COG5: variants seen among roughly 807,000 people sequenced by gnomAD.
The protein encoded by COG5 is conserved oligomeric Golgi complex subunit 5.
COG5 carries 86 observed loss-of-function variants against 110.4 expected under a neutral mutation model. The observed-to-expected ratio is 0.78, with a 90% CI of 0.65 to 0.93. The LOEUF is 0.93. Ranked by LOEUF, COG5 falls within the 40% of genes least tolerant of loss-of-function variation. The probability of loss-of-function intolerance (pLI) is 0.00; values close to 1 mark genes in which losing one functional copy is unlikely to be tolerated. For synonymous variants in COG5, 360 were observed against 334.6 expected, an observed-to-expected ratio of 1.08 and a Z score of -0.83; for missense variants, 1,077 against 987.0, an observed-to-expected ratio of 1.09 and a Z score of -1.22.
At chr7:107,371,345 T>G (rs569950593) in intron 8 of COG5, among the ~76,000 whole-genome samples, 1 of 152,172 alleles carries the variant, frequency 6.6e-6, no homozygotes, top group African/African-American at 2.4e-5. Context: ...ATCCCAACAC[T>G]TTGGGAGGCC....
intron 6 of COG5, chr7:107,475,073 G>A: frequency 6.2e-7 from 1 of 1,613,008 alleles, no homozygotes; most frequent in East Asian, 2.2e-5. Context: ...ACCATTTTAT[G>A]TTTAGGCCCA....
intron 13 of COG5, 53 bp downstream of exon 13, chr7:107,283,518 C>T: frequency 1.4e-6 from 2 of 1,469,122 alleles, no homozygotes; most frequent in South Asian, 1.1e-5. Flanking sequence ...TCATATATCA[C>T]TAACAAATAT....
At chr7:107,262,258 G>A (rs1274294587) in intron 14 of COG5, among the ~76,000 whole-genome samples, 1 of 152,042 alleles carries the variant, frequency 6.6e-6, no homozygotes, top group African/African-American at 2.4e-5. Flanking sequence ...ACCTTCTCAT[G>A]CTATCTCACA....
rs369589269 is a variant in COG5, at chr7:107,392,926, TA to T, written c.669+19575del. ...GCATACCACATGTATTCCTCAACTT[TA>T]AAGTCTCCATAAAAACTGTCCATGG... On this transcript the variant is annotated intron_variant, in intron 7 of 21. Coordinates refer to ENST00000297135, the MANE Select transcript of COG5 (RefSeq NM_006348.5). Among the ~76,000 whole-genome samples, 231 of 152,282 alleles carry T rather than the reference TA, an allele frequency of 1.5e-3. 1 individual carries two copies. Among genetic ancestry groups the T allele is most frequent in the African/African-American group, 5.3e-3 (221 of 41,560 alleles).
chr7:107,459,287 A>G (rs1795848943), intron 6 of COG5, among the ~76,000 whole-genome samples: 1 of 152,182 alleles, frequency 6.6e-6, no homozygotes, highest in Non-Finnish European at 1.5e-5. Context: ...ATATAGAATG[A>G]ACCTGGAATA....
intron 6 of COG5, among the ~76,000 whole-genome samples, chr7:107,467,000 G>C (rs1185865055): frequency 1.3e-5 from 2 of 152,144 alleles, no homozygotes; most frequent in African/African-American, 2.4e-5. Flanking sequence ...AGAATGATTT[G>C]ATATGAATAG....
chr7:107,428,671 T>G (rs527432727), intron 6 of COG5, among the ~76,000 whole-genome samples: 2 of 152,216 alleles, frequency 1.3e-5, no homozygotes, highest in African/African-American at 4.8e-5. Flanking sequence ...CCTAGGAAAC[T>G]AAAACATCTT....
At chr7:107,316,880 G>C (rs1808814238) in intron 11 of COG5, among the ~76,000 whole-genome samples, 1 of 151,800 alleles carries the variant, frequency 6.6e-6, no homozygotes, top group South Asian at 2.1e-4. Flanking sequence ...GTAAATGGCA[G>C]TATCACTAAA....
chr7:107,489,229 G>A (rs1412866833), intron 6 of COG5, among the ~76,000 whole-genome samples: 2 of 152,066 alleles, frequency 1.3e-5, no homozygotes, highest in East Asian at 1.9e-4. Flanking sequence ...GTAAACAGAA[G>A]CAAAATATAA....
intron 10 of COG5, among the ~76,000 whole-genome samples, chr7:107,335,437 C>T (rs1422545662): frequency 6.6e-6 from 1 of 152,054 alleles, no homozygotes; most frequent in East Asian, 1.9e-4. Flanking sequence ...TTGTAAGCCT[C>T]ATAATAATGA....
At chr7:107,468,801 T>C (rs377559909) in intron 6 of COG5, among the ~76,000 whole-genome samples, 3 of 152,028 alleles carry the variant, frequency 2.0e-5, no homozygotes, top group African/African-American at 7.2e-5. Flanking sequence ...CACTAAATAT[T>C]CCTAAAATAA....
chr7:107,439,203 A>T (rs1794556894), intron 6 of COG5, among the ~76,000 whole-genome samples: 1 of 152,056 alleles, frequency 6.6e-6, no homozygotes, highest in African/African-American at 2.4e-5. Flanking sequence ...ACTCTCTTAC[A>T]TCATCAATTT....
chr7:107,529,912 T>C (rs1016317453), intron 5 of COG5, among the ~76,000 whole-genome samples: 19 of 152,130 alleles, frequency 1.2e-4, no homozygotes, highest in African/African-American at 4.6e-4. Flanking sequence ...CTGGAAACAT[T>C]ATCAGCACCT....
intron 10 of COG5, among the ~76,000 whole-genome samples, chr7:107,337,906 C>A (rs571642889): frequency 2.6e-5 from 4 of 152,106 alleles, no homozygotes; most frequent in African/African-American, 9.6e-5. Flanking sequence ...ATAAGTACCC[C>A]ATGAATATGT....
intron 7 of COG5, among the ~76,000 whole-genome samples, chr7:107,393,917 A>G (rs2129057697): frequency 6.6e-6 from 1 of 152,230 alleles, no homozygotes; most frequent in East Asian, 1.9e-4. Context: ...AGATTATAAT[A>G]TAAAATTTGA....
intron 7 of COG5, among the ~76,000 whole-genome samples, chr7:107,387,474 T>C (rs557925188): frequency 1.4e-4 from 21 of 152,386 alleles, no homozygotes; most frequent in Non-Finnish European, 2.4e-4. Flanking sequence ...GTTCCTTGTA[T>C]ACAAGCAACA....
At chr7:107,350,824 T>C (rs2129041203) in intron 10 of COG5, among the ~76,000 whole-genome samples, 1 of 152,216 alleles carries the variant, frequency 6.6e-6, no homozygotes, top group Middle Eastern at 3.4e-3. Flanking sequence ...AAGCACAGAG[T>C]ATTGATCCCA....
intron 7 of COG5, among the ~76,000 whole-genome samples, chr7:107,383,522 T>G (rs1815310154): frequency 6.6e-6 from 1 of 152,200 alleles, no homozygotes; most frequent in Admixed American, 6.5e-5. Flanking sequence ...TAAGAGTGGA[T>G]AATTCCTATT....
intron 10 of COG5, among the ~76,000 whole-genome samples, chr7:107,325,142 T>C (rs1809653857): frequency 6.6e-6 from 1 of 152,160 alleles, no homozygotes; most frequent in Non-Finnish European, 1.5e-5. Flanking sequence ...GAATATATGT[T>C]TTAAAAAGTA....
Sources: allele counts gnomAD v4.1 joint callset (sites outside exome capture counted in the v4.1 genomes callset), GRCh38; gene constraint gnomAD v4.1.1; transcripts MANE v1.5; gene names NCBI Gene and HGNC (gene_info 2026-07-23, HGNC 2026-07-21).